TG: variants seen among roughly 807,000 people sequenced by gnomAD.
TG encodes thyroglobulin.
In TG, 270 loss-of-function variants were observed where a neutral mutation model predicts 324.7. The ratio of observed to expected loss-of-function variants is 0.83; its 90% confidence interval spans 0.75 to 0.92. The LOEUF (loss-of-function observed/expected upper bound fraction) is 0.92. TG is among the 40% of genes least tolerant of loss of function. The probability of loss-of-function intolerance (pLI) is 0.00; values close to 1 mark genes in which losing one functional copy is unlikely to be tolerated. For synonymous variants in TG, 1,401 were observed against 1,327.0 expected (o/e 1.06, Z -1.21); for missense variants, 3,591 against 3,456.4 (o/e 1.04, Z -0.98).
chr8:132,995,457 C>T, intron 35 of TG: 3 of 985,274 alleles, frequency 3.0e-6, no homozygotes, highest in Non-Finnish European at 3.6e-6. Flanking sequence ...TACAGTTCAC[C>T]CATACCCTTG....
chr8:133,062,018 C>T (rs532283936), intron 41 of TG, among the ~76,000 whole-genome samples: 13 of 152,308 alleles, frequency 8.5e-5, no homozygotes, highest in Admixed American at 2.0e-4. Flanking sequence ...AGTAATATTC[C>T]GAAGACAATG....
intron 11 of TG, among the ~76,000 whole-genome samples, chr8:132,894,539 G>A (rs853316): frequency 0.43 from 64,610 of 151,056 alleles, 13,925 homozygotes; most frequent in South Asian, 0.51. Flanking sequence ...GCTCACCACA[G>A]CCTCGAACTC....
intron 14 of TG, 156 bp downstream of exon 14, chr8:132,899,066 C>A (rs1263159391): frequency 1.3e-5 from 9 of 718,774 alleles, no homozygotes; most frequent in East Asian, 2.7e-5. Flanking sequence ...GGTTCTGTGA[C>A]CTTGGGCTAT....
chr8:132,914,362 T>A (rs1006070432), intron 20 of TG, among the ~76,000 whole-genome samples: 2 of 152,224 alleles, frequency 1.3e-5, no homozygotes, highest in African/African-American at 4.8e-5. Context: ...TTCTCAGTTA[T>A]TTTTTTCAAT....
intron 43 of TG, among the ~76,000 whole-genome samples, chr8:133,110,426 C>T (rs1272321917): frequency 2.0e-5 from 3 of 152,280 alleles, no homozygotes; most frequent in Non-Finnish European, 2.9e-5. Flanking sequence ...TTTTCTTGCA[C>T]AGTTTTTCAA....
intron 39 of TG, among the ~76,000 whole-genome samples, chr8:133,020,515 G>A (rs1263411877): frequency 2.6e-5 from 4 of 152,126 alleles, no homozygotes; most frequent in Admixed American, 2.0e-4. Context: ...CTTTTAGGAG[G>A]GGGACACAGG....
chr8:133,111,238 G>T (rs1250189434), intron 43 of TG, among the ~76,000 whole-genome samples: 1 of 152,116 alleles, frequency 6.6e-6, no homozygotes, highest in Non-Finnish European at 1.5e-5. Context: ...TCTCTTACCA[G>T]CAGTAAGACC....
At chr8:133,011,384 G>T (rs965825049) in intron 35 of TG, among the ~76,000 whole-genome samples, 2 of 148,214 alleles carry the variant, frequency 1.3e-5, no homozygotes. Context: ...TTGGGGAAAT[G>T]AGAGCCTTGG....
chr8:133,028,155 C>T (rs951319393), intron 40 of TG, among the ~76,000 whole-genome samples: 1 of 152,210 alleles, frequency 6.6e-6, no homozygotes, highest in Non-Finnish European at 1.5e-5. Flanking sequence ...CATTTCCTCT[C>T]CTCCTTGTCC....
chr8:133,068,523 T>C (rs1158338676), intron 41 of TG, among the ~76,000 whole-genome samples: 2 of 152,272 alleles, frequency 1.3e-5, no homozygotes, highest in Admixed American at 6.5e-5. Context: ...CCACTCTTTC[T>C]GCTGTTTTTG....
intron 10 of TG, among the ~76,000 whole-genome samples, chr8:132,893,168 GGTGT>G (rs569385598): frequency 1.5e-5 from 2 of 135,270 alleles, no homozygotes; most frequent in Admixed American, 7.5e-5. Context: ...TGGTGAGTGT[GGTGT>G]GTGTGTGGTG....
intron 26 of TG, among the ~76,000 whole-genome samples, chr8:132,942,383 T>C (rs1824574364): frequency 6.6e-6 from 1 of 152,246 alleles, no homozygotes; most frequent in African/African-American, 2.4e-5. Flanking sequence ...AAACCAATCC[T>C]GTTTCTCCTT....
intron 41 of TG, 115 bp from the exon 42 acceptor site, chr8:133,094,929 G>C: frequency 2.1e-6 from 3 of 1,442,408 alleles, no homozygotes; most frequent in Non-Finnish European, 2.9e-6. Context: ...ATGGGTCCTG[G>C]GACTCCCAAG....
intron 26 of TG, among the ~76,000 whole-genome samples, chr8:132,948,498 A>T (rs1825665175): frequency 6.6e-6 from 1 of 152,190 alleles, no homozygotes; most frequent in Non-Finnish European, 1.5e-5. Flanking sequence ...AGGTGCTGTC[A>T]GTGCTATGGA....
Position 132,900,287 on chromosome 8 carries a change from G to A in TG, c.3381G>A (p.Val1127=). 6.2e-7 allele frequency: 1 copy of A among 1,614,062 alleles called. No homozygotes were observed. The highest frequency in any genetic ancestry group is 1.1e-5 in the South Asian group (1 of 91,024). The change falls in exon 15 of 48, where the codon GTG becomes GTA. Residue 1127 remains valine (V), a synonymous_variant. Coordinates refer to ENST00000220616, the MANE Select transcript of TG (RefSeq NM_003235.5). ...LQASGAGTWC[V]DPASGEELRP... is the part of the protein sequence containing the mutation. The stretch of plus-strand genomic sequence containing the variant: ...CATCGGGGGCTGGCACCTGGTGTGT[G>A]GACCCTGCATCAGGAGAAGAGTTGC...
chr8:133,039,582 CAAA>C (rs1230860579), intron 41 of TG, among the ~76,000 whole-genome samples: 1 of 152,042 alleles, frequency 6.6e-6, no homozygotes, highest in African/African-American at 2.4e-5. Context: ...TTAGAAAAAA[CAAA>C]GAAGTCACTG....
chr8:132,918,071 C>T (rs1318434040), intron 20 of TG, among the ~76,000 whole-genome samples: 1 of 151,960 alleles, frequency 6.6e-6, no homozygotes, highest in Non-Finnish European at 1.5e-5. Flanking sequence ...GGAAGGTTGA[C>T]AGTAAGGCAG....
chr8:133,081,765 G>GT (rs1845789732), intron 41 of TG, among the ~76,000 whole-genome samples: 1 of 152,194 alleles, frequency 6.6e-6, no homozygotes. Flanking sequence ...GAGGTCAGCA[G>GT]TGTTCCCAGA....
At chr8:133,014,732 T>G (rs1834865059) in intron 37 of TG, among the ~76,000 whole-genome samples, 1 of 152,224 alleles carries the variant, frequency 6.6e-6, no homozygotes. Flanking sequence ...CAGAGATATC[T>G]TCCTCTTCTG....
Sources: gnomAD v4.1 joint callset for allele counts (sites outside exome capture counted in the v4.1 genomes callset) on GRCh38, gnomAD v4.1.1 for gene constraint, MANE v1.5 for transcripts, NCBI Gene and HGNC (gene_info 2026-07-23, HGNC 2026-07-21) for gene names.